Variants in TMC1 observed in about 807,000 individuals in gnomAD.
The protein encoded by TMC1 is transmembrane channel-like protein 1.
In TMC1, 84 loss-of-function variants were observed where a neutral mutation model predicts 105.8. The ratio of observed to expected loss-of-function variants is 0.79; its 90% confidence interval spans 0.67 to 0.95. TMC1 has a LOEUF of 0.95. TMC1 is among the 40% of genes least tolerant of loss of function. TMC1 has a pLI of 0.00. For synonymous variants in TMC1, 315 were observed against 311.5 expected (o/e 1.01, Z -0.12); for missense variants, 817 against 914.1 (o/e 0.89, Z 1.37).
chr9:72,820,067 T>A (rs1828843457), intron 19 of TMC1, among the ~76,000 whole-genome samples: 1 of 152,130 alleles, frequency 6.6e-6, no homozygotes, highest in African/African-American at 2.4e-5. Flanking sequence ...AAGCAGAGAA[T>A]TCCCAAGACA....
Position 72,558,530 on chromosome 9 carries a change from A to G in TMC1, c.-427-19372A>G, listed in dbSNP as rs1387870713. 7.9e-5 allele frequency among the ~76,000 whole-genome samples: 12 copies of G among 152,330 alleles called. No individual in the cohort carries two copies. The East Asian group carries it at 2.3e-3, about 29-fold the overall frequency. On this transcript the variant is annotated intron_variant, in intron 1 of 23. Coordinates refer to ENST00000297784, the MANE Select transcript of TMC1 (RefSeq NM_138691.3). ...TGAGAAGCACTCATCCAAGGGGTAG[A>G]TCTGGACTTCAGCTCATGCAGCATA...
At chr9:72,650,911 T>C (rs1825802322) in intron 5 of TMC1, among the ~76,000 whole-genome samples, 1 of 143,160 alleles carries the variant, frequency 7.0e-6, no homozygotes, top group Admixed American at 7.1e-5. Context: ...TAAATATATA[T>C]AGATATATAT....
chr9:72,815,507 C>T (rs887679492), intron 18 of TMC1, among the ~76,000 whole-genome samples: 6 of 152,042 alleles, frequency 3.9e-5, no homozygotes, highest in Non-Finnish European at 5.9e-5. Flanking sequence ...GTTCATCACC[C>T]GCATATAAAG....
chr9:72,680,059 C>A (rs1378173813), intron 5 of TMC1, among the ~76,000 whole-genome samples: 1 of 152,096 alleles, frequency 6.6e-6, no homozygotes, highest in East Asian at 1.9e-4. Flanking sequence ...TTTAATTTCA[C>A]AAAATTTACT....
intron 12 of TMC1, among the ~76,000 whole-genome samples, chr9:72,764,931 C>T (rs985358014): frequency 6.6e-6 from 1 of 152,132 alleles, no homozygotes; most frequent in African/African-American, 2.4e-5. Flanking sequence ...CACTTGGGAA[C>T]ATAATGGAAT....
rs117977142 is a variant in TMC1, at chr9:72,739,689, A to G, written c.363-430A>G. Among the ~76,000 whole-genome samples, 30 of 152,192 alleles carry G rather than the reference A, an allele frequency of 2.0e-4. No individual in the cohort carries two copies. In the East Asian group the frequency reaches 4.4e-3, roughly 23 times the overall value. ...AGTACCAGGTCATTAAGTGTGTTCT[A>G]TGTCAGTTTGACCTAACCTCTCTGC... On this transcript the variant is annotated intron_variant, in intron 8 of 23. Transcript: ENST00000297784.
intron 13 of TMC1, among the ~76,000 whole-genome samples, chr9:72,786,882 G>A (rs1828176134): frequency 6.6e-6 from 1 of 152,156 alleles, no homozygotes; most frequent in South Asian, 2.1e-4. Flanking sequence ...TATCTGCCAA[G>A]TGGCCATTTT....
intron 12 of TMC1, among the ~76,000 whole-genome samples, chr9:72,757,409 A>G (rs1350246588): frequency 3.3e-5 from 5 of 152,228 alleles, no homozygotes; most frequent in Admixed American, 3.3e-4. Flanking sequence ...GAGATAATGC[A>G]TGAAATAGCA....
Position 72,782,084 on chromosome 9 carries a change from T to C in TMC1, c.885-6255T>C, listed in dbSNP as rs78980823. On this transcript the variant is annotated intron_variant, in intron 13 of 23. Transcript: ENST00000297784. Reference sequence around the variant, plus strand: ...CTCAACAAAATAATAGCAAACCAAATCCACCAGCACTCCCAAAAGTAATTT... The same window carrying C: ...CTCAACAAAATAATAGCAAACCAAACCCACCAGCACTCCCAAAAGTAATTT... Among the ~76,000 whole-genome samples, 376 of 152,124 alleles carry C rather than the reference T, an allele frequency of 2.5e-3. 14 individuals are homozygous for C. The East Asian group carries it at 0.06, about 24-fold the overall frequency.
intron 2 of TMC1, among the ~76,000 whole-genome samples, chr9:72,591,477 G>A (rs16764): frequency 0.42 from 63,944 of 152,028 alleles, 14,565 homozygotes; most frequent in African/African-American, 0.6. Context: ...GCAGTAGCCC[G>A]GGTAAGAAGT....
intron 5 of TMC1, among the ~76,000 whole-genome samples, chr9:72,672,375 A>G (rs1826137401): frequency 6.6e-6 from 1 of 152,208 alleles, no homozygotes; most frequent in African/African-American, 2.4e-5. Context: ...AATTAAATTA[A>G]TTCAATCTGC....
intron 12 of TMC1, among the ~76,000 whole-genome samples, chr9:72,765,740 T>C (rs1827820826): frequency 6.6e-6 from 1 of 151,888 alleles, no homozygotes; most frequent in South Asian, 2.1e-4. Context: ...GCACCTGAGA[T>C]AGGAGGAAGG....
chr9:72,617,049 A>G (rs1407366645), intron 3 of TMC1, among the ~76,000 whole-genome samples: 1 of 152,208 alleles, frequency 6.6e-6, no homozygotes, highest in Non-Finnish European at 1.5e-5. Flanking sequence ...TTAAGTTAAA[A>G]ATTAGACAGA....
chr9:72,656,734 T>C (rs1825890782), intron 5 of TMC1, among the ~76,000 whole-genome samples: 1 of 152,244 alleles, frequency 6.6e-6, no homozygotes, highest in South Asian at 2.1e-4. Flanking sequence ...TTTTACATTT[T>C]TGTGTCCTGG....
chr9:72,605,400 C>T (rs1824895960), intron 2 of TMC1, among the ~76,000 whole-genome samples: 1 of 152,082 alleles, frequency 6.6e-6, no homozygotes, highest in South Asian at 2.1e-4. Flanking sequence ...CCTTAAATAA[C>T]AGAAACATGC....
At chr9:72,749,321 C>T (rs1298768070) in intron 10 of TMC1, among the ~76,000 whole-genome samples, 3 of 152,138 alleles carry the variant, frequency 2.0e-5, no homozygotes, top group Non-Finnish European at 2.9e-5. Context: ...CATGCGATTC[C>T]AGGGAAAAAC....
intron 8 of TMC1, among the ~76,000 whole-genome samples, chr9:72,739,743 A>G (rs1413974997): frequency 6.6e-6 from 1 of 152,176 alleles, no homozygotes; most frequent in Non-Finnish European, 1.5e-5. Flanking sequence ...GGAATTCTTT[A>G]AAAAGAAGAA....
At chr9:72,596,308 A>G (rs1197402500) in intron 2 of TMC1, among the ~76,000 whole-genome samples, 3 of 152,214 alleles carry the variant, frequency 2.0e-5, no homozygotes, top group Non-Finnish European at 2.9e-5. Flanking sequence ...CACTAGGGCC[A>G]AGGGAACAAT....
chr9:72,538,604 T>C (rs1003514028), intron 1 of TMC1, among the ~76,000 whole-genome samples: 6 of 151,878 alleles, frequency 4.0e-5, no homozygotes, highest in African/African-American at 1.5e-4. Flanking sequence ...GCCTGGCTAA[T>C]TTTTTTGTAT....
Sources: gnomAD v4.1 joint callset for allele counts (sites outside exome capture counted in the v4.1 genomes callset) on GRCh38, gnomAD v4.1.1 for gene constraint, MANE v1.5 for transcripts, NCBI Gene and HGNC (gene_info 2026-07-23, HGNC 2026-07-21) for gene names.